LFNG: variants seen among roughly 807,000 people sequenced by gnomAD.
The protein encoded by LFNG is beta-1,3-N-acetylglucosaminyltransferase lunatic fringe.
LFNG carries 15 observed loss-of-function variants against 32.7 expected under a neutral mutation model. The observed-to-expected ratio is 0.46, with a 90% confidence interval of 0.31 to 0.71. The LOEUF (loss-of-function observed/expected upper bound fraction) is 0.71. Ranked by LOEUF, LFNG falls within the 30% of genes least tolerant of loss-of-function variation. The pLI is 0.06. For missense variants in LFNG, 520 were observed against 545.7 expected (o/e 0.95, Z 0.47); for synonymous variants, 274 against 246.8 (o/e 1.11, Z -1.03).
At chr7:2,528,501 A>G, downstream of LFNG, 1 of 853,792 alleles carries the variant, frequency 1.2e-6, no homozygotes, top group Non-Finnish European at 1.4e-6. Flanking sequence ...AGAGGCACAC[A>G]GGTGAAGGGG....
In LFNG at chr7:2,526,426, G is replaced by A. The variant is rs371717362; in HGVS notation, c.987+17G>A. ...CACGAGCAGGTGCACCATCCTCCGG[G>A]CCCCGCCAGGACTCCGAGAGCACAG... On this transcript the variant is annotated intron_variant, in intron 6 of 7. Coordinates refer to ENST00000222725, the MANE Select transcript of LFNG (RefSeq NM_001040167.2). The surrounding 1 kb of genome is among the most constrained non-coding windows in gnomAD (Gnocchi z 6.9). 1.9e-6 allele frequency: 3 copies of A among 1,603,882 alleles called. No individual in the cohort carries two copies. The highest frequency in any genetic ancestry group is 1.7e-6 in the Non-Finnish European group (2 of 1,179,796).
At chr7:2,525,027 C>T (rs1342216795) in intron 2 of LFNG, among the ~76,000 whole-genome samples, 192 bp from the exon 3 acceptor site, 5 of 152,216 alleles carry the variant, frequency 3.3e-5, no homozygotes, top group Non-Finnish European at 5.9e-5. Flanking sequence ...GCGGGGCCGC[C>T]CTGGAAGGGG....
Position 2,520,277 on chromosome 7 carries a change from C to T in LFNG, c.416C>T (p.Ser139Leu). 2 of 1,609,954 alleles carry T rather than the reference C, an allele frequency of 1.2e-6. No homozygotes were observed. Among genetic ancestry groups the T allele is most frequent in the South Asian group, 2.2e-5 (2 of 90,980 alleles). The change falls in exon 1 of 8, where the codon TCG (serine) becomes TTG (leucine). Residue 139 changes from serine to leucine, a missense_variant. This residue lies in a region of LFNG where 360 missense variants were observed against 354.7 expected (regional missense o/e 1.01). Transcript: ENST00000222725. The surrounding 1 kb of genome is among the most constrained non-coding windows in gnomAD (Gnocchi z 5.0). The part of the protein sequence containing the change: ...RLDLLLETWI[S>L]RHKEMTFIFT... ...GACCTGCTGCTGGAGACCTGGATCTCGCGCCACAAGGAGATGGTGAGCCCC... is the reference window on the plus strand; with the variant it reads ...GACCTGCTGCTGGAGACCTGGATCTTGCGCCACAAGGAGATGGTGAGCCCC...
rs1231650718 is a variant in LFNG at position 2,527,123 on chromosome 7, C to T, written c.1074-23C>T. Reference sequence around the variant, plus strand: ...GCACCTGCCTGCCACCCACGCAGACCAGCCCCTGCTCTGTTCCCACAGGTT... The same window carrying T: ...GCACCTGCCTGCCACCCACGCAGACTAGCCCCTGCTCTGTTCCCACAGGTT... On this transcript the variant is annotated intron_variant, in intron 7 of 7. Transcript: ENST00000222725. This position sits in a 1 kb window ranked among gnomAD's most constrained non-coding sequence, Gnocchi z 4.4. 3.1e-6 allele frequency: 5 copies of T among 1,609,678 alleles called. No homozygotes were observed. The East Asian group carries it at 6.7e-5, about 22-fold the overall frequency.
Position 2,525,445 on chromosome 7 carries a change from G to T in LFNG, c.613G>T (p.Val205Phe), listed in dbSNP as rs763864573. The T allele has an allele frequency of 1.9e-6, 3 of 1,612,834 alleles. No homozygotes were observed. The highest frequency in any genetic ancestry group is 4.5e-5 in the East Asian group (2 of 44,878). ...WFCHVDDDNY[V>F]NLRALLRLLA... The stretch of plus-strand genomic sequence containing the variant: ...CTGCCACGTGGACGATGACAACTAC[G>T]TCAACCTGCGGGCCCTGCTGCGGCT... Residue 205 changes from valine to phenylalanine, a missense_variant, in exon 4 of 8, where the codon GTC (valine) becomes TTC (phenylalanine). Val to Phe is a conservative substitution (Grantham distance 50). This residue lies in a region of LFNG where 360 missense variants were observed against 354.7 expected (regional missense o/e 1.01). Transcript: ENST00000222725.
chr7:2,522,459 C>T (rs1779819143), intron 1 of LFNG, among the ~76,000 whole-genome samples: 1 of 152,214 alleles, frequency 6.6e-6, no homozygotes, highest in Non-Finnish European at 1.5e-5. Flanking sequence ...CCAGGAGCAG[C>T]CAGGCTGCCG....
chr7:2,527,522 T>G lies in LFNG; in HGVS notation c.*310T>G. 1.5e-6 allele frequency: 2 copies of G among 1,327,088 alleles called. No homozygotes were observed. The highest frequency in any genetic ancestry group is 6.6e-5 in the East Asian group (2 of 30,388). 82.2% of individuals were successfully genotyped at this position (1,327,088 alleles called of 1,614,324 possible). A position where few individuals can be genotyped will look rare whatever the true frequency, so the allele number is the denominator to read the frequency against. On this transcript the variant is annotated 3_prime_UTR_variant, in exon 8 of 8. Transcript: ENST00000222725. This position sits in a 1 kb window ranked among gnomAD's most constrained non-coding sequence, Gnocchi z 4.4. ...CTCCGAGGGCAATTCTGTTAGGATTTTTGGATCTTTCTACAGCTACGGGGC... is the reference window on the plus strand; with the variant it reads ...CTCCGAGGGCAATTCTGTTAGGATTGTTGGATCTTTCTACAGCTACGGGGC...
At chr7:2,513,620 G>C (rs369334758), upstream of LFNG, among the ~76,000 whole-genome samples, 1 of 152,180 alleles carries the variant, frequency 6.6e-6, no homozygotes, top group Non-Finnish European at 1.5e-5. Context: ...TGACTAGGGT[G>C]GGGGGTCATG....
At position 2,520,127 on chromosome 7, in the gene LFNG, G is replaced by A. The variant is rs938320862; in HGVS notation, c.266G>A (p.Gly89Asp). Residue 89 changes from glycine to aspartate, a missense_variant, in exon 1 of 8, where the codon GGC becomes GAC. Coordinates refer to ENST00000222725, the MANE Select transcript of LFNG (RefSeq NM_001040167.2). This position sits in a 1 kb window ranked among gnomAD's most constrained non-coding sequence, Gnocchi z 5.0. Reference protein sequence around the residue: ...SLLTRARRDAGPPPGAAPRPA... With the variant: ...SLLTRARRDADPPPGAAPRPA... ...CTCACCCGCGCGCGCAGAGATGCGG[G>A]CCCGCCGCCCGGGGCTGCCCCCCGC... is the stretch of plus-strand genomic sequence containing the variant. 2.2e-6 allele frequency: 3 copies of A among 1,351,128 alleles called. No homozygotes were observed. The highest frequency in any genetic ancestry group is 2.9e-5 in the Admixed American group (1 of 34,300). The allele number at this position is 1,351,128 out of a possible 1,614,324, so 83.7% of individuals were successfully genotyped here.
chr7:2,524,631 C>G (rs1779895140), intron 1 of LFNG, 64 bp from the exon 2 acceptor site: 3 of 1,500,770 alleles, frequency 2.0e-6, no homozygotes, highest in South Asian at 1.2e-5. Flanking sequence ...CCGTCCGGCC[C>G]CCACAGATGG....
rs887016545 is a variant in LFNG at position 2,524,803 on chromosome 7, C to T, written c.481+60C>T. 4.8e-6 allele frequency: 7 copies of T among 1,449,840 alleles called. No individual in the cohort carries two copies. In the African/African-American group the frequency reaches 9.8e-5, roughly 20 times the overall value. The allele number at this position is 1,449,840 out of a possible 1,614,324, so 89.8% of individuals were successfully genotyped here. On this transcript the variant is annotated intron_variant, in intron 2 of 7. Coordinates refer to ENST00000222725, the MANE Select transcript of LFNG (RefSeq NM_001040167.2). ...GCCTCCATCCAGAGCCGAACGCTCCCCCTCCAGTCTCCCTGCCCCTCTGGG... is the reference window on the plus strand; with the variant it reads ...GCCTCCATCCAGAGCCGAACGCTCCTCCTCCAGTCTCCCTGCCCCTCTGGG...
chr7:2,512,654 G>A lies in LFNG; in HGVS notation c.-1G>A, dbSNP rs751147871. 2.7e-5 allele frequency: 44 copies of A among 1,613,662 alleles called. No individual in the cohort carries two copies. In the South Asian group the frequency reaches 3.3e-4, roughly 12 times the overall value. ...GCCACAAGGACCCAAAGCTCAGAGG[G>A]ATGGATGAACAGACAGGAAGGCTCA... On this transcript the variant is annotated 5_prime_UTR_variant, in exon 1 of 9. Transcript: ENST00000402506.
At chr7:2,528,737 C>T (rs932097604), downstream of LFNG, 1 of 601,018 alleles carries the variant, frequency 1.7e-6, no homozygotes. Flanking sequence ...CCCCAAGGCT[C>T]TGGCCTGGTC....
Position 2,520,355 on chromosome 7 carries a change from C to A in LFNG, c.432+62C>A. 1 of 1,451,604 alleles carries A rather than the reference C, an allele frequency of 6.9e-7. No individual in the cohort carries two copies. Among genetic ancestry groups the A allele is most frequent in the Non-Finnish European group, 9.5e-7 (1 of 1,050,896 alleles). The allele number at this position is 1,451,604 out of a possible 1,614,324, so 89.9% of individuals were successfully genotyped here. On this transcript the variant is annotated intron_variant, in intron 1 of 7. Coordinates refer to ENST00000222725, the MANE Select transcript of LFNG (RefSeq NM_001040167.2). This position sits in a 1 kb window ranked among gnomAD's most constrained non-coding sequence, Gnocchi z 5.0. ...GGCGGGGACCCACCATCTGGTCCAGCTGGTGGCAGTGTCCCATGGGAGTCA... is the reference window on the plus strand; with the variant it reads ...GGCGGGGACCCACCATCTGGTCCAGATGGTGGCAGTGTCCCATGGGAGTCA...
chr7:2,526,199 T>A lies in LFNG; in HGVS notation c.822-45T>A. 6.2e-7 allele frequency: 1 copy of A among 1,605,116 alleles called. No homozygotes were observed. Among genetic ancestry groups the A allele is most frequent in the Non-Finnish European group, 8.5e-7 (1 of 1,175,408 alleles). ...TGGGGCCTCCCCAGCTCCCAGCAGATGGCTCCCGCCTCTGCTCACTGGTCT... is the reference window on the plus strand; with the variant it reads ...TGGGGCCTCCCCAGCTCCCAGCAGAAGGCTCCCGCCTCTGCTCACTGGTCT... On this transcript the variant is annotated intron_variant, in intron 5 of 7. Transcript: ENST00000222725. This position sits in a 1 kb window ranked among gnomAD's most constrained non-coding sequence, Gnocchi z 6.9.
chr7:2,515,170 TCATC>T (rs1448414659), upstream of LFNG, among the ~76,000 whole-genome samples: 1 of 137,548 alleles, frequency 7.3e-6, no homozygotes, highest in South Asian at 2.4e-4. Context: ...ATCCATCTAT[TCATC>T]CATCCATCCA....
upstream of LFNG, chr7:2,517,959 G>T: frequency 8.8e-7 from 1 of 1,131,864 alleles, no homozygotes; most frequent in Non-Finnish European, 1.1e-6. Flanking sequence ...GATAGGAGTG[G>T]GTGGGATGGG....
Position 2,526,211 on chromosome 7 carries a change from CT to C in LFNG, c.822-32del. On this transcript the variant is annotated intron_variant, in intron 5 of 7. Coordinates refer to ENST00000222725, the MANE Select transcript of LFNG (RefSeq NM_001040167.2). This position sits in a 1 kb window ranked among gnomAD's most constrained non-coding sequence, Gnocchi z 6.9. Reference sequence around the variant, plus strand: ...AGCTCCCAGCAGATGGCTCCCGCCTCTGCTCACTGGTCTGGGCCCTTCCCTC... The same window carrying C: ...AGCTCCCAGCAGATGGCTCCCGCCTCGCTCACTGGTCTGGGCCCTTCCCTC... 6.2e-7 allele frequency: 1 copy of C among 1,611,344 alleles called. No homozygotes were observed. The highest frequency in any genetic ancestry group is 8.5e-7 in the Non-Finnish European group (1 of 1,179,750).
Position 2,526,226 on chromosome 7 carries a change from G to C in LFNG, c.822-18G>C, listed in dbSNP as rs1279578563. The C allele has an allele frequency of 1.2e-6, 2 of 1,612,340 alleles. No individual in the cohort carries two copies. The highest frequency in any genetic ancestry group is 1.7e-5 in the Admixed American group (1 of 60,020). On this transcript the variant is annotated intron_variant, in intron 5 of 7. Coordinates refer to ENST00000222725, the MANE Select transcript of LFNG (RefSeq NM_001040167.2). The surrounding 1 kb of genome is among the most constrained non-coding windows in gnomAD (Gnocchi z 6.9). ...GCTCCCGCCTCTGCTCACTGGTCTGGGCCCTTCCCTCCCGCAGCGGGGGTC... is the reference window on the plus strand; with the variant it reads ...GCTCCCGCCTCTGCTCACTGGTCTGCGCCCTTCCCTCCCGCAGCGGGGGTC...
Sources: gnomAD v4.1 joint callset for allele counts (sites outside exome capture counted in the v4.1 genomes callset) on GRCh38, gnomAD v4.1.1 for gene constraint, gnomAD v4.1.1 regional missense constraint, Gnocchi (gnomAD v3.1) non-coding constraint, MANE v1.5 for transcripts, NCBI Gene and HGNC (gene_info 2026-07-23, HGNC 2026-07-21) for gene names.